LRRK2: variants seen among roughly 807,000 people sequenced by gnomAD.
LRRK2 encodes leucine rich repeat kinase 2.
LRRK2 carries 203 observed loss-of-function variants against 302.6 expected under a neutral mutation model. The observed-to-expected ratio is 0.67, with a 90% CI of 0.60 to 0.75. The LOEUF is 0.75. Among genes scored for constraint, LRRK2 ranks in the 30% least tolerant of loss-of-function variants. The pLI is 0.00. For synonymous variants in LRRK2, 1,066 were observed against 1,031.9 expected, an observed-to-expected ratio of 1.03 and a Z score of -0.63; for missense variants, 2,830 against 2,951.0, an observed-to-expected ratio of 0.96 and a Z score of 0.95.
Position 40,334,954 on chromosome 12 carries a change from T to G in LRRK2, c.5758-13T>G. 6.2e-7 allele frequency: 1 copy of G among 1,613,592 alleles called. No homozygotes were observed. The highest frequency in any genetic ancestry group is 8.5e-7 in the Non-Finnish European group (1 of 1,179,950). On this transcript the variant is annotated splice_polypyrimidine_tract_variant and intron_variant, in intron 39 of 50. Coordinates refer to ENST00000298910, the MANE Select transcript of LRRK2 (RefSeq NM_198578.4). Reference sequence around the variant, plus strand: ...ATGTTGAATTACTCTTACATGATTTTGGACTTTTGCAGGAGCTTGTGGTGC... The same window carrying G: ...ATGTTGAATTACTCTTACATGATTTGGGACTTTTGCAGGAGCTTGTGGTGC...
At chr12:40,355,414 G>A (rs1474077683) in intron 45 of LRRK2, among the ~76,000 whole-genome samples, 2 of 151,958 alleles carry the variant, frequency 1.3e-5, no homozygotes, top group Non-Finnish European at 2.9e-5. Flanking sequence ...AGTTGTCAAT[G>A]TGATTAGGCC....
chr12:40,231,949 G>A (rs534867084), intron 2 of LRRK2, among the ~76,000 whole-genome samples: 10 of 151,622 alleles, frequency 6.6e-5, no homozygotes, highest in East Asian at 1.9e-4. Context: ...GATTACAGGC[G>A]CCCATCACCA....
chr12:40,290,652 A>C (rs111585307), intron 20 of LRRK2, among the ~76,000 whole-genome samples: 2,412 of 152,198 alleles, frequency 0.016, 44 homozygotes, highest in Non-Finnish European at 0.02. Flanking sequence ...TGCCCATTTC[A>C]TATAAGTTGC....
intron 31 of LRRK2, chr12:40,313,031 A>G (rs1289392320): frequency 1.3e-5 from 2 of 152,048 alleles, no homozygotes; most frequent in Non-Finnish European, 2.9e-5. Flanking sequence ...TTTAGTCACA[A>G]GTAGAAAAAG....
chr12:40,253,165 T>C (rs916719831), intron 11 of LRRK2, 149 bp downstream of exon 11: 2 of 594,988 alleles, frequency 3.4e-6, no homozygotes, highest in African/African-American at 1.9e-5. Context: ...TATTGACATA[T>C]GGATTATGAA....
chr12:40,351,565 A>G lies in LRRK2; in HGVS notation c.6408A>G (p.Glu2136=). Residue 2136 remains glutamate, a synonymous_variant, in exon 44 of 51, where the codon GAA becomes GAG. Coordinates refer to ENST00000298910, the MANE Select transcript of LRRK2 (RefSeq NM_198578.4). ...TCTTTGACATTTTGAATTCAGCTGA[A>G]TTAGTCTGTCTGACGAGACGCATTT... ...AQVFDILNSA[E]LVCLTRRILL... is the part of the protein sequence containing the mutation. The G allele has an allele frequency of 6.2e-7, 1 of 1,614,194 alleles. No homozygotes were observed.
chr12:40,298,581 TAAC>T, intron 24 of LRRK2, 88 bp downstream of exon 24: 2 of 1,507,664 alleles, frequency 1.3e-6, no homozygotes, highest in South Asian at 1.1e-5. Context: ...CAATGAGTTT[TAAC>T]AACATGGTGA....
chr12:40,335,166 G>T lies in LRRK2; in HGVS notation c.5948+9G>T. 3 of 1,613,888 alleles carry T rather than the reference G, an allele frequency of 1.9e-6. No homozygotes were observed. In the South Asian group the frequency reaches 3.3e-5, roughly 18 times the overall value. ...GTAGCTGATGGTTTGAGGTAAGTAG[G>T]TCATGTTGTTTTCTATTCAGTGCAT... On this transcript the variant is annotated intron_variant, in intron 40 of 50. Coordinates refer to ENST00000298910, the MANE Select transcript of LRRK2 (RefSeq NM_198578.4).
chr12:40,288,349 A>G (rs1944008608), intron 20 of LRRK2, among the ~76,000 whole-genome samples: 1 of 151,854 alleles, frequency 6.6e-6, no homozygotes, highest in Non-Finnish European at 1.5e-5. Flanking sequence ...CATTGTCGCT[A>G]TTAAGTTATG....
Position 40,322,050 on chromosome 12 carries a change from C to A in LRRK2, c.5186C>A (p.Pro1729Gln). Residue 1729 changes from proline (P) to glutamine (Q), a missense_variant, in exon 36 of 51, where the codon CCA becomes CAA. Physicochemically the swap from Pro to Gln is moderately conservative, Grantham distance 76 (BLOSUM62 -1). This residue lies in a region of LRRK2 where 2,121 missense variants were observed against 2,148.0 expected (regional missense o/e 0.99). Coordinates refer to ENST00000298910, the MANE Select transcript of LRRK2 (RefSeq NM_198578.4). The stretch of plus-strand genomic sequence containing the variant: ...CATTTTTTAGAACGAGCACTTCGCC[C>A]AAACAGAATGTATTGGCGACAAGGC... ...MLSGRERALR[P>Q]NRMYWRQGIY... The A allele has an allele frequency of 6.2e-7, 1 of 1,613,202 alleles. No homozygotes were observed. Among genetic ancestry groups the A allele is most frequent in the Non-Finnish European group, 8.5e-7 (1 of 1,179,406 alleles).
chr12:40,325,828 A>G (rs1193598434), intron 38 of LRRK2, among the ~76,000 whole-genome samples: 2 of 152,204 alleles, frequency 1.3e-5, no homozygotes, highest in African/African-American at 4.8e-5. Flanking sequence ...AGTGAGTAAT[A>G]CGACCCACCT....
chr12:40,277,992 T>A lies in LRRK2; in HGVS notation c.2046T>A (p.Asn682Lys), dbSNP rs199987713. 57 of 1,613,774 alleles carry A rather than the reference T, an allele frequency of 3.5e-5. No individual in the cohort carries two copies. The highest frequency in any genetic ancestry group is 4.4e-5 in the Non-Finnish European group (52 of 1,179,934). ...TAATATTCCATCAAATGTCTTCCAA[T>A]ATCATGGAACAAAAGGATCAACAGG... Reference protein sequence around the residue: ...DLVIFHQMSSNIMEQKDQQFL... With the variant: ...DLVIFHQMSSKIMEQKDQQFL... The change falls in exon 17 of 51, where the codon AAT (asparagine) becomes AAA (lysine). Residue 682 changes from asparagine to lysine, a missense_variant. Physicochemically the swap from Asn to Lys is moderately conservative, Grantham distance 94. Around this residue, in one of 3 missense-constraint regions of LRRK2, gnomAD observed 2,121 missense variants for 2,148.0 expected, o/e 0.99. Coordinates refer to ENST00000298910, the MANE Select transcript of LRRK2 (RefSeq NM_198578.4).
At chr12:40,341,164 A>G (rs1256374783) in intron 41 of LRRK2, among the ~76,000 whole-genome samples, 1 of 136,714 alleles carries the variant, frequency 7.3e-6, no homozygotes, top group East Asian at 2.2e-4. Flanking sequence ...GAAGTAAATC[A>G]TTTAGGGGTT....
chr12:40,299,400 T>C, intron 25 of LRRK2, 143 bp downstream of exon 25: 2 of 938,072 alleles, frequency 2.1e-6, no homozygotes, highest in South Asian at 2.9e-5. Flanking sequence ...AATTAGCAGG[T>C]TGGCAATAAA....
At chr12:40,331,445 A>T (rs1348245300) in intron 39 of LRRK2, among the ~76,000 whole-genome samples, 1 of 152,120 alleles carries the variant, frequency 6.6e-6, no homozygotes, top group Admixed American at 6.6e-5. Context: ...TTAGTGCTGC[A>T]TTATTTTTTT....
chr12:40,348,900 G>C (rs1049225205), intron 43 of LRRK2, among the ~76,000 whole-genome samples: 1 of 152,000 alleles, frequency 6.6e-6, no homozygotes, highest in Admixed American at 6.5e-5. Flanking sequence ...TAGGGTGCCC[G>C]TTAATGAATG....
chr12:40,316,836 G>T (rs560298722), intron 33 of LRRK2, among the ~76,000 whole-genome samples: 2 of 152,160 alleles, frequency 1.3e-5, no homozygotes, highest in Admixed American at 6.6e-5. Flanking sequence ...ATCCTGTACA[G>T]CAAAGGAAGT....
chr12:40,359,506 C>G (rs1196606891), intron 47 of LRRK2, 62 bp downstream of exon 47: 14 of 1,263,192 alleles, frequency 1.1e-5, no homozygotes, highest in Middle Eastern at 5.0e-4. Context: ...TCCTTATAAT[C>G]ATTAATAATA....
intron 14 of LRRK2, among the ~76,000 whole-genome samples, chr12:40,273,705 G>A (rs1227413936): frequency 6.6e-6 from 1 of 152,170 alleles, no homozygotes; most frequent in Non-Finnish European, 1.5e-5. Flanking sequence ...CAAAATTCCT[G>A]AGAAGGATGG....
Sources: allele counts gnomAD v4.1 joint callset (sites outside exome capture counted in the v4.1 genomes callset), GRCh38; gene constraint gnomAD v4.1.1; regional missense constraint gnomAD v4.1.1; transcripts MANE v1.5; gene names NCBI Gene and HGNC (gene_info 2026-07-23, HGNC 2026-07-21).